The following ZNF33A variants were observed in gnomAD, a reference collection of about 807,000 sequenced individuals.
ZNF33A encodes zinc finger protein 33A, also known as brain my041 protein.
Under a neutral mutation model 15.9 loss-of-function variants are expected in ZNF33A, and 9 were observed. The observed-to-expected ratio is 0.57, with a 90% confidence interval of 0.34 to 0.99. The LOEUF (loss-of-function observed/expected upper bound fraction) is 0.99. Ranked by LOEUF, ZNF33A falls within the 50% of genes least tolerant of loss-of-function variation. The pLI is 0.02. For missense variants in ZNF33A, 843 were observed against 941.6 expected, an observed-to-expected ratio of 0.90 and a Z score of 1.37; for synonymous variants, 294 against 324.2, an observed-to-expected ratio of 0.91 and a Z score of 1.00.
chr10:38,055,194 T>A lies in ZNF33A; in HGVS notation c.1070T>A (p.Phe357Tyr), dbSNP rs757957368. 12 of 1,614,104 alleles carry A rather than the reference T, an allele frequency of 7.4e-6. No homozygotes were observed. The highest frequency in any genetic ancestry group is 8.5e-6 in the Non-Finnish European group (10 of 1,179,984). ...HQRVHTGQKP[F>Y]QCNECEKAFW... ...AGGGTGCACACAGGACAGAAACCCT[T>A]TCAATGTAATGAATGTGAAAAAGCT... is the stretch of plus-strand genomic sequence containing the variant. The change falls in exon 5 of 5, where the codon TTT (phenylalanine) becomes TAT (tyrosine). Residue 357 changes from phenylalanine to tyrosine, a missense_variant. Transcript: ENST00000432900.
intron 4 of ZNF33A, among the ~76,000 whole-genome samples, chr10:38,019,319 CA>C (rs1401330092): frequency 2.0e-5 from 3 of 152,124 alleles, no homozygotes; most frequent in Non-Finnish European, 4.4e-5. Context: ...ATGAACTCAT[CA>C]TTTTTTATGG....
At chr10:38,014,035 A>ATTTTTTTTTTTTTT (rs10658326) in intron 2 of ZNF33A, among the ~76,000 whole-genome samples, 3 of 80,386 alleles carry the variant, frequency 3.7e-5, no homozygotes, top group African/African-American at 1.7e-4. Context: ...ATGATGTCTG[A>ATTTTTTTTTTTTTT]TTTTTTTTTT....
downstream of ZNF33A, among the ~76,000 whole-genome samples, chr10:38,060,904 A>G (rs2066647531): frequency 6.6e-6 from 1 of 152,130 alleles, no homozygotes; most frequent in Non-Finnish European, 1.5e-5. Context: ...TGTGCACAGG[A>G]CAAGAGTGCT....
chr10:38,031,569 CAAA>C (rs764863293), intron 4 of ZNF33A, among the ~76,000 whole-genome samples: 1 of 70,942 alleles, frequency 1.4e-5, no homozygotes, highest in African/African-American at 5.9e-5. Flanking sequence ...GACCTTGCCT[CAAA>C]AAAAAAAAAG....
At chr10:38,012,174 T>C (rs1230263484) in intron 1 of ZNF33A, 124 bp from the exon 2 acceptor site, 5 of 874,418 alleles carry the variant, frequency 5.7e-6, no homozygotes, top group Middle Eastern at 2.4e-4. Context: ...TCAGAGGACA[T>C]TGATACTCTC....
At chr10:38,031,260 C>T (rs1213804261) in intron 4 of ZNF33A, among the ~76,000 whole-genome samples, 3 of 152,124 alleles carry the variant, frequency 2.0e-5, no homozygotes, top group African/African-American at 7.2e-5. Flanking sequence ...TTTCTTCCAG[C>T]TGCATGTCAG....
At chr10:38,054,278 A>G in intron 4 of ZNF33A, 97 bp from the exon 5 acceptor site, 2 of 1,310,634 alleles carry the variant, frequency 1.5e-6, no homozygotes, top group Non-Finnish European at 2.0e-6. Context: ...TGGCCAAAAA[A>G]CCAGTCAGCT....
chr10:38,045,349 G>A (rs985431433), intron 4 of ZNF33A, among the ~76,000 whole-genome samples: 1 of 152,116 alleles, frequency 6.6e-6, no homozygotes, highest in South Asian at 2.1e-4. Flanking sequence ...TTCTGTGATT[G>A]CTGTGTTAGC....
rs771308514 is a variant in ZNF33A at position 38,010,682 on chromosome 10, C to T, written c.-146C>T. The T allele has an allele frequency of 3.6e-5, 58 of 1,593,918 alleles. No individual in the cohort carries two copies. Among genetic ancestry groups the T allele is most frequent in the African/African-American group, 3.2e-4 (24 of 74,812 alleles). ...TCCGCCGGCTACGTCTGCGTTTCCG[C>T]CTTTCCTTTTGTTTTTCTCAGGTTT... On this transcript the variant is annotated 5_prime_UTR_variant, in exon 1 of 5. Coordinates refer to ENST00000432900, the MANE Select transcript of ZNF33A (RefSeq NM_006954.2).
At chr10:38,010,592 A>G (rs2064118995), upstream of ZNF33A, 1 of 986,196 alleles carries the variant, frequency 1.0e-6, no homozygotes, top group African/African-American at 1.6e-5. Context: ...CCTCACGGGA[A>G]AGGTAGTTTC....
chr10:38,052,122 A>T (rs1436857768), intron 4 of ZNF33A, among the ~76,000 whole-genome samples: 1 of 152,268 alleles, frequency 6.6e-6, no homozygotes, highest in Non-Finnish European at 1.5e-5. Context: ...ACTTAGTATA[A>T]CCAGGGAAGA....
chr10:38,017,806 A>G (rs909067606), intron 4 of ZNF33A: 1 of 160,062 alleles, frequency 6.2e-6, no homozygotes, highest in Non-Finnish European at 1.4e-5. Context: ...GGATATAATG[A>G]TGAAAAACAT....
downstream of ZNF33A, among the ~76,000 whole-genome samples, chr10:38,065,625 G>T (rs2066703032): frequency 6.6e-6 from 1 of 152,006 alleles, no homozygotes; most frequent in Admixed American, 6.6e-5. Context: ...ATTCTACATG[G>T]TTTCTTGTGC....
intron 4 of ZNF33A, among the ~76,000 whole-genome samples, chr10:38,042,980 T>G (rs890280183): frequency 6.6e-6 from 1 of 152,200 alleles, no homozygotes; most frequent in African/African-American, 2.4e-5. Context: ...TGTGCCTTTT[T>G]TACTCTCTCG....
chr10:38,028,919 G>A (rs774751681), intron 4 of ZNF33A, among the ~76,000 whole-genome samples: 24 of 151,894 alleles, frequency 1.6e-4, no homozygotes, highest in Non-Finnish European at 2.6e-4. Flanking sequence ...TAATTCCCTC[G>A]TAACTTCAAT....
intron 1 of ZNF33A, 50 bp downstream of exon 1, chr10:38,010,833 C>G (rs190998340): frequency 6.3e-7 from 1 of 1,593,676 alleles, no homozygotes; most frequent in African/African-American, 1.3e-5. Context: ...CCGCGCGACT[C>G]CTGGGGCGGG....
At chr10:38,026,452 A>C (rs939672282) in intron 4 of ZNF33A, among the ~76,000 whole-genome samples, 2 of 152,132 alleles carry the variant, frequency 1.3e-5, no homozygotes, top group Non-Finnish European at 2.9e-5. Context: ...CTTCTGACTC[A>C]GCTTCCCGAG....
intron 4 of ZNF33A, among the ~76,000 whole-genome samples, chr10:38,023,324 C>A (rs796501733): frequency 1.4e-4 from 21 of 152,276 alleles, no homozygotes; most frequent in African/African-American, 4.3e-4. Context: ...AATACAACTA[C>A]AGACATATAC....
intron 4 of ZNF33A, among the ~76,000 whole-genome samples, chr10:38,024,178 AAAAG>A (rs2064881538): frequency 1.4e-5 from 2 of 144,560 alleles, no homozygotes; most frequent in Admixed American, 7.0e-5. Context: ...AAAAAAAAAA[AAAAG>A]AAAAAATGTA....
Sources: allele counts gnomAD v4.1 joint callset (sites outside exome capture counted in the v4.1 genomes callset), GRCh38; gene constraint gnomAD v4.1.1; transcripts MANE v1.5; gene names NCBI Gene and HGNC (gene_info 2026-07-23, HGNC 2026-07-21).